TAAR1: variants seen among roughly 807,000 people sequenced by gnomAD.
The protein encoded by TAAR1 is trace amine-associated receptor 1.
In TAAR1, 1 loss-of-function variant was observed where a neutral mutation model predicts 1.2. That is an observed-to-expected ratio of 0.81 (90% CI 0.29 to 3.86). TAAR1 has a LOEUF of 3.86. Ranked by LOEUF, TAAR1 falls within the 30% of genes most tolerant of loss-of-function variation. The pLI is 0.18. For synonymous variants in TAAR1, 153 were observed against 132.2 expected (o/e 1.16, Z -1.08); for missense variants, 445 against 405.6 (o/e 1.10, Z -0.83).
At position 132,645,365 on chromosome 6, in the gene TAAR1, T is replaced by C. The variant is rs1777652605; in HGVS notation, c.639A>G (p.Ile213Met). 2 of 1,613,372 alleles carry C rather than the reference T, an allele frequency of 1.2e-6. No individual in the cohort carries two copies. Among genetic ancestry groups the C allele is most frequent in the South Asian group, 2.2e-5 (2 of 91,064 alleles). ...GSIMLCVYYR[I>M]YLIAKEQARL... Reference sequence around the variant, plus strand: ...TTGCCTGTTCTTTAGCGATAAGATATATTCTGTAATAGACACATAACATAA... The same window carrying C: ...TTGCCTGTTCTTTAGCGATAAGATACATTCTGTAATAGACACATAACATAA... The change falls in exon 2 of 2, where the codon ATA becomes ATG. Residue 213 changes from isoleucine to methionine, a missense_variant. By Grantham distance (10) the Ile-to-Met change is conservative. Transcript: ENST00000275216.
intron 1 of TAAR1, among the ~76,000 whole-genome samples, chr6:132,654,544 A>C (rs918873108): frequency 6.6e-6 from 1 of 152,240 alleles, no homozygotes; most frequent in African/African-American, 2.4e-5. Flanking sequence ...GTATCTTTTA[A>C]TTAAATGGGG....
intron 1 of TAAR1, among the ~76,000 whole-genome samples, chr6:132,656,494 A>T (rs1777805339): frequency 6.6e-6 from 1 of 152,192 alleles, no homozygotes; most frequent in Admixed American, 6.5e-5. Context: ...CATGTGTTTT[A>T]TTCACTGCTG....
At position 132,643,681 on chromosome 6, in the gene TAAR1, G is replaced by T. The variant is rs1394842106; in HGVS notation, c.*1303C>A. ...ACCCTAACTTATTCATGAGCAGAAG[G>T]TAAATCCAAATCCCCAGTGATACTC... On this transcript the variant is annotated 3_prime_UTR_variant, in exon 2 of 2. Coordinates refer to ENST00000275216, the MANE Select transcript of TAAR1 (RefSeq NM_138327.4). Among the ~76,000 whole-genome samples, 1 of 151,904 alleles carries T rather than the reference G, an allele frequency of 6.6e-6. No individual in the cohort carries two copies. Among genetic ancestry groups the T allele is most frequent in the Non-Finnish European group, 1.5e-5 (1 of 67,898 alleles).
chr6:132,655,767 T>G (rs1777799220), intron 1 of TAAR1, among the ~76,000 whole-genome samples: 1 of 152,092 alleles, frequency 6.6e-6, no homozygotes, highest in Non-Finnish European at 1.5e-5. Context: ...TGTCACCTGG[T>G]GAGAGAAGAT....
chr6:132,650,981 A>G (rs189183728), intron 1 of TAAR1, among the ~76,000 whole-genome samples: 9 of 151,472 alleles, frequency 5.9e-5, no homozygotes, highest in African/African-American at 1.9e-4. Context: ...CTCTAATCCT[A>G]TCTCTTAAAA....
intron 1 of TAAR1, among the ~76,000 whole-genome samples, 196 bp downstream of exon 1, chr6:132,658,934 G>C (rs1777839551): frequency 6.6e-6 from 1 of 152,120 alleles, no homozygotes; most frequent in Admixed American, 6.5e-5. Context: ...TCTTGCTAAA[G>C]GGGCTACTAA....
At chr6:132,649,267 T>C (rs190323731) in intron 1 of TAAR1, among the ~76,000 whole-genome samples, 71 of 152,296 alleles carry the variant, frequency 4.7e-4, no homozygotes, top group African/African-American at 1.7e-3. Context: ...TCCCACTCTT[T>C]GTTCTAACTA....
chr6:132,649,640 T>A (rs1176151313), intron 1 of TAAR1, among the ~76,000 whole-genome samples: 1 of 152,156 alleles, frequency 6.6e-6, no homozygotes, highest in East Asian at 1.9e-4. Context: ...CCTCTTCACA[T>A]GGTGGCAGCA....
At chr6:132,658,156 T>C (rs1004618082) in intron 1 of TAAR1, among the ~76,000 whole-genome samples, 2 of 152,180 alleles carry the variant, frequency 1.3e-5, no homozygotes, top group Non-Finnish European at 2.9e-5. Context: ...AATTCCAGTA[T>C]TTTTAATAAA....
chr6:132,657,132 T>C (rs1777812461), intron 1 of TAAR1, among the ~76,000 whole-genome samples: 1 of 152,168 alleles, frequency 6.6e-6, no homozygotes, highest in Non-Finnish European at 1.5e-5. Context: ...AACATTGGCC[T>C]GAAACTTAAA....
rs867154792 is a variant in TAAR1, at chr6:132,655,376, C to T, written c.-127+3754G>A. On this transcript the variant is annotated intron_variant, in intron 1 of 1. Coordinates refer to ENST00000275216, the MANE Select transcript of TAAR1 (RefSeq NM_138327.4). Reference sequence around the variant, plus strand: ...ACAAAGAAATACAAATTCATTCATTCTTTTTTTTTTTTTTTTTTTTTGAAA... The same window carrying T: ...ACAAAGAAATACAAATTCATTCATTTTTTTTTTTTTTTTTTTTTTTTGAAA... Among the ~76,000 whole-genome samples, 575 of 133,382 alleles carry T rather than the reference C, an allele frequency of 4.3e-3. 5 individuals carry two copies. The highest frequency in any genetic ancestry group is 0.016 in the African/African-American group (555 of 34,138). The allele number at this position is 133,382 out of a possible 152,430, so 87.5% of individuals were successfully genotyped here. A position where few individuals can be genotyped will look rare whatever the true frequency, so the allele number is the denominator to read the frequency against.
At chr6:132,648,068 A>C (rs1777707352) in intron 1 of TAAR1, among the ~76,000 whole-genome samples, 1 of 152,202 alleles carries the variant, frequency 6.6e-6, no homozygotes, top group African/African-American at 2.4e-5. Context: ...ACTGTTATTT[A>C]AACTAAGCAA....
At chr6:132,647,664 GA>G (rs755528472) in intron 1 of TAAR1, among the ~76,000 whole-genome samples, 2 of 145,546 alleles carry the variant, frequency 1.4e-5, no homozygotes, top group African/African-American at 5.3e-5. Flanking sequence ...AAGAAAGAAA[GA>G]AAGAAAGAAA....
In TAAR1 at chr6:132,644,841, A is replaced by G. The variant is rs1054718501; in HGVS notation, c.*143T>C. On this transcript the variant is annotated 3_prime_UTR_variant, in exon 2 of 2. Coordinates refer to ENST00000275216, the MANE Select transcript of TAAR1 (RefSeq NM_138327.4). ...CCCAAATAGGAAATTACCTATAAGC[A>G]TCATAATTTAACTCACCATACATAC... The G allele has an allele frequency of 1.2e-5, 8 of 640,370 alleles. No individual in the cohort carries two copies. The highest frequency in any genetic ancestry group is 1.1e-4 in the African/African-American group (6 of 52,522). The allele number at this position is 640,370 out of a possible 1,614,324, so 39.7% of individuals were successfully genotyped here.
At chr6:132,656,408 AAC>A (rs1777804549) in intron 1 of TAAR1, among the ~76,000 whole-genome samples, 1 of 152,100 alleles carries the variant, frequency 6.6e-6, no homozygotes, top group Admixed American at 6.6e-5. Context: ...GAAAGGGAGA[AAC>A]AGAGATAAAT....
intron 1 of TAAR1, among the ~76,000 whole-genome samples, chr6:132,656,560 G>T (rs60038481): frequency 0.059 from 9,049 of 152,128 alleles, 309 homozygotes; most frequent in East Asian, 0.11. Context: ...AGGGAATAAA[G>T]AATTGAATGA....
intron 1 of TAAR1, among the ~76,000 whole-genome samples, chr6:132,654,892 A>G (rs2114287886): frequency 6.6e-6 from 1 of 152,350 alleles, no homozygotes; most frequent in Admixed American, 6.5e-5. Flanking sequence ...TGATGAAAAG[A>G]TACATTTTTA....
chr6:132,645,920 A>G lies in TAAR1; in HGVS notation c.84T>C (p.Ser28=). The change falls in exon 2 of 2, where the codon AGT becomes AGC. Residue 28 remains serine (S), a synonymous_variant. Coordinates refer to ENST00000275216, the MANE Select transcript of TAAR1 (RefSeq NM_138327.4). The part of the protein sequence containing the change: ...WSNDVRASLY[S]LMVLIILTTL... ...TGGTCAGAATTATGAGCACCATTAA[A>G]CTGTACAGGGAAGCACGGACATCAT... 6.2e-7 allele frequency: 1 copy of G among 1,613,748 alleles called. No homozygotes were observed. The highest frequency in any genetic ancestry group is 1.7e-5 in the Admixed American group (1 of 59,964).
chr6:132,649,916 T>C (rs1777732375), intron 1 of TAAR1, among the ~76,000 whole-genome samples: 1 of 152,172 alleles, frequency 6.6e-6, no homozygotes, highest in Non-Finnish European at 1.5e-5. Context: ...CTTGAAGATA[T>C]GAGTTCCTGG....
Sources: gnomAD v4.1 joint callset for allele counts (sites outside exome capture counted in the v4.1 genomes callset) on GRCh38, gnomAD v4.1.1 for gene constraint, MANE v1.5 for transcripts, NCBI Gene and HGNC (gene_info 2026-07-23, HGNC 2026-07-21) for gene names.